Variants in HAS1 observed in about 807,000 individuals in gnomAD.
The protein encoded by HAS1 is hyaluronan synthase 1, also known as HA synthase 1.
A neutral mutation model predicts 35.0 loss-of-function variants in HAS1; 27 were observed. The ratio of observed to expected loss-of-function variants is 0.77; its 90% CI spans 0.57 to 1.06. The LOEUF is 1.06. HAS1 is among the 50% of genes least tolerant of loss of function. HAS1 has a pLI of 0.00. For missense variants in HAS1, 940 were observed against 814.8 expected (o/e 1.15, Z -1.87); for synonymous variants, 409 against 371.2 (o/e 1.10, Z -1.17).
rs1432982307 is a variant in HAS1, at chr19:51,719,639, T to C, written c.266A>G (p.Asp89Gly). The C allele has an allele frequency of 6.5e-7, 1 of 1,538,284 alleles. No homozygotes were observed. Among genetic ancestry groups the C allele is most frequent in the East Asian group, 2.5e-5 (1 of 40,290 alleles). ...RVAAAARGPL[D>G]AATARSVALT... ...CGCCACACTGCGCGCGGTGGCTGCATCCAGCGGCCCCCGCGCCGCCGCCGC... is the reference window on the plus strand; with the variant it reads ...CGCCACACTGCGCGCGGTGGCTGCACCCAGCGGCCCCCGCGCCGCCGCCGC... The change falls in exon 2 of 5, where the codon GAT becomes GGT. Residue 89 changes from aspartate (D) to glycine (G), a missense_variant. Coordinates refer to ENST00000540069, the MANE Select transcript of HAS1 (RefSeq NM_001297436.2).
intron 4 of HAS1, 180 bp from the exon 5 acceptor site, chr19:51,714,282 G>T: frequency 1.0e-6 from 1 of 1,003,828 alleles, no homozygotes; most frequent in Non-Finnish European, 1.4e-6. Context: ...GGACGCGGTG[G>T]CTCACTCCTG....
chr19:51,716,942 C>A, intron 3 of HAS1, 26 bp downstream of exon 3: 1 of 1,486,112 alleles, frequency 6.7e-7, no homozygotes. Flanking sequence ...CCATCCACAG[C>A]CCTCCCAATC....
rs766493229 is a variant in HAS1 at position 51,719,516 on chromosome 19, AG to A, written c.388del (p.Leu130SerfsTer70). ...LLYPRARLRV[L>X]MVVDGNRAED... Reference sequence around the variant, plus strand: ...GGCGCGGTTGCCATCCACCACCATGAGGACGCGCAGCCGCGCGCGCGGGTAC... The same window carrying A: ...GGCGCGGTTGCCATCCACCACCATGAGACGCGCAGCCGCGCGCGCGGGTAC... On this transcript the variant is annotated frameshift_variant, in exon 2 of 5. Transcript: ENST00000540069. LOFTEE classifies it high-confidence loss of function. 222 of 1,549,244 alleles carry A rather than the reference AG, an allele frequency of 1.4e-4. No homozygotes were observed. The highest frequency in any genetic ancestry group is 1.8e-4 in the Non-Finnish European group (211 of 1,146,268).
chr19:51,720,303 C>T (rs1011530714), intron 1 of HAS1, among the ~76,000 whole-genome samples: 6 of 151,490 alleles, frequency 4.0e-5, no homozygotes, highest in Non-Finnish European at 8.8e-5. Context: ...TTGGTAGAGC[C>T]GGGGGTCTCC....
rs1424802035 is a variant in HAS1, at chr19:51,713,507, C to G, written c.1654G>C (p.Val552Leu). 2.5e-6 allele frequency: 4 copies of G among 1,606,872 alleles called. No individual in the cohort carries two copies. The South Asian group carries it at 4.4e-5, about 18-fold the overall frequency. ...ACCCAGTACAGCGTCAACATGGCCA[C>G]CCAGTAGCCCACGTAGGCGCCGGCC... ...AGAGAYVGYW[V>L]AMLTLYWVGV... The change falls in exon 5 of 5, where the codon GTG becomes CTG. Residue 552 changes from valine (V) to leucine (L), a missense_variant. Transcript: ENST00000540069. The surrounding 1 kb of genome is among the most constrained non-coding windows in gnomAD (Gnocchi z 4.5).
chr19:51,714,388 A>AAAT (rs1211371459), intron 4 of HAS1, among the ~76,000 whole-genome samples: 2 of 150,976 alleles, frequency 1.3e-5, no homozygotes, highest in African/African-American at 2.4e-5. Context: ...ATAAATAAAT[A>AAAT]AATAAATAAG....
intron 2 of HAS1, among the ~76,000 whole-genome samples, chr19:51,718,558 C>T (rs1490842494): frequency 1.3e-5 from 2 of 152,062 alleles, no homozygotes; most frequent in Non-Finnish European, 2.9e-5. Context: ...TTATTTGAGA[C>T]GGAGTTTTGC....
chr19:51,718,226 G>C (rs1206160120), intron 2 of HAS1: 1 of 139,248 alleles, frequency 7.2e-6, no homozygotes, highest in Non-Finnish European at 1.6e-5. Context: ...AACGGAGTGA[G>C]ATTCCATCTC....
chr19:51,715,659 A>G (rs1017052339), intron 4 of HAS1, among the ~76,000 whole-genome samples: 1 of 152,174 alleles, frequency 6.6e-6, no homozygotes, highest in African/African-American at 2.4e-5. Flanking sequence ...GATTATCCCA[A>G]GTTTCCTCTG....
Position 51,719,445 on chromosome 19 carries a change from C to A in HAS1, c.460G>T (p.Glu154Ter), listed in dbSNP as rs748011855. Residue 154 changes from glutamate (E) to a stop codon, truncating the protein, a stop_gained, in exon 2 of 5, where the codon GAG becomes TAG. Coordinates refer to ENST00000540069, the MANE Select transcript of HAS1 (RefSeq NM_001297436.2). LOFTEE classifies it high-confidence loss of function. ...VDMFREVFAD[E>*]DPATYVWDGN... Reference sequence around the variant, plus strand: ...TCCCACACGTACGTGGCGGGGTCCTCGTCAGCGAAGACCTCGCGGAACATG... The same window carrying A: ...TCCCACACGTACGTGGCGGGGTCCTAGTCAGCGAAGACCTCGCGGAACATG... 1.2e-5 allele frequency: 19 copies of A among 1,552,706 alleles called. No individual in the cohort carries two copies. Among genetic ancestry groups the A allele is most frequent in the South Asian group, 7.1e-5 (6 of 84,736 alleles).
intron 4 of HAS1, among the ~76,000 whole-genome samples, chr19:51,716,016 A>G (rs1158094811): frequency 6.6e-6 from 1 of 152,156 alleles, no homozygotes; most frequent in Non-Finnish European, 1.5e-5. Context: ...TGCAAATGCC[A>G]GCCTTGTCCC....
chr19:51,718,984 A>C (rs1669752621), intron 2 of HAS1, among the ~76,000 whole-genome samples: 1 of 152,222 alleles, frequency 6.6e-6, no homozygotes, highest in Admixed American at 6.5e-5. Flanking sequence ...CTCTACATTG[A>C]ATGGGTAAAT....
intron 2 of HAS1, among the ~76,000 whole-genome samples, chr19:51,717,640 G>C (rs886738120): frequency 2.6e-5 from 4 of 152,222 alleles, no homozygotes; most frequent in African/African-American, 4.8e-5. Context: ...CTAGAAGTCA[G>C]AGAGTCTCCT....
At position 51,719,660 on chromosome 19, in the gene HAS1, G is replaced by GCCGCCA; in HGVS notation, c.239_244dup (p.Val80_Ala81dup). ...TGCATCCAGCGGCCCCCGCGCCGCC[G>GCCGCCA]CCGCCACCCGCCGGTGCTCCAGGTA... On this transcript the variant is annotated inframe_insertion, in exon 2 of 5. Transcript: ENST00000540069. 6.5e-7 allele frequency: 1 copy of GCCGCCA among 1,540,616 alleles called. No homozygotes were observed. The highest frequency in any genetic ancestry group is 8.7e-7 in the Non-Finnish European group (1 of 1,146,818).
rs774926345 is a variant in HAS1, at chr19:51,719,212, G to A, written c.693C>T (p.Tyr231=). Residue 231 remains tyrosine (Y), a synonymous_variant, in exon 2 of 5, where the codon TAC becomes TAT. Coordinates refer to ENST00000540069, the MANE Select transcript of HAS1 (RefSeq NM_001297436.2). ...AFKALGDSVD[Y]VQVCDSDTRL... The stretch of plus-strand genomic sequence containing the variant: ...TGAAGGCGCCTCTACTCACCTGCAC[G>A]TAGTCCACCGAATCTCCGAGCGCCT... The A allele has an allele frequency of 2.9e-5, 45 of 1,562,296 alleles. No individual in the cohort carries two copies. The highest frequency in any genetic ancestry group is 4.7e-5 in the South Asian group (4 of 84,404).
rs773078452 is a variant in HAS1 at position 51,713,583 on chromosome 19, G to A, written c.1578C>T (p.Ala526=). Residue 526 remains alanine, a synonymous_variant, in exon 5 of 5, where the codon GCC becomes GCT. Coordinates refer to ENST00000540069, the MANE Select transcript of HAS1 (RefSeq NM_001297436.2). The surrounding 1 kb of genome is among the most constrained non-coding windows in gnomAD (Gnocchi z 4.5). Reference sequence around the variant, plus strand: ...CTGCGCGGGAAGGGCCGCTCCAGTCGGCCCTGGCCTCGTGTGCTACGCTGC... The same window carrying A: ...CTGCGCGGGAAGGGCCGCTCCAGTCAGCCCTGGCCTCGTGTGCTACGCTGC... ...LVRSVAHEAR[A]DWSGPSRAAE... is the part of the protein sequence containing the mutation. 1 of 1,560,540 alleles carries A rather than the reference G, an allele frequency of 6.4e-7. No individual in the cohort carries two copies. The highest frequency in any genetic ancestry group is 2.4e-5 in the East Asian group (1 of 41,668).
chr19:51,720,076 GTCTCTCTCTC>G, intron 1 of HAS1, 181 bp from the exon 2 acceptor site: 2 of 517,648 alleles, frequency 3.9e-6, no homozygotes, highest in Non-Finnish European at 6.7e-6. Flanking sequence ...CTGTCTCGCT[GTCTCTCTCTC>G]TCTCTCGCTC....
At chr19:51,721,142 A>T (rs545484408) in intron 1 of HAS1, among the ~76,000 whole-genome samples, 5 of 152,162 alleles carry the variant, frequency 3.3e-5, no homozygotes. Flanking sequence ...AAGCAGAGGA[A>T]CCTGGATTTG....
At position 51,713,508 on chromosome 19, in the gene HAS1, C is replaced by T. The variant is rs761482619; in HGVS notation, c.1653G>A (p.Trp551Ter). 1 of 1,606,886 alleles carries T rather than the reference C, an allele frequency of 6.2e-7. No homozygotes were observed. The highest frequency in any genetic ancestry group is 1.1e-5 in the South Asian group (1 of 90,588). Residue 551 changes from tryptophan to a stop codon, truncating the protein, a stop_gained, in exon 5 of 5, where the codon TGG (tryptophan) becomes TGA (stop). Transcript: ENST00000540069. LOFTEE classifies it high-confidence loss of function. This position sits in a 1 kb window ranked among gnomAD's most constrained non-coding sequence, Gnocchi z 4.5. ...AAGAGAYVGY[W>*]VAMLTLYWVG... ...CCCAGTACAGCGTCAACATGGCCAC[C>T]CAGTAGCCCACGTAGGCGCCGGCCC...
Sources: allele counts gnomAD v4.1 joint callset (sites outside exome capture counted in the v4.1 genomes callset), GRCh38; gene constraint gnomAD v4.1.1; non-coding constraint Gnocchi (gnomAD v3.1); transcripts MANE v1.5; gene names NCBI Gene and HGNC (gene_info 2026-07-23, HGNC 2026-07-21).